USP34: variants seen among roughly 807,000 people sequenced by gnomAD.
USP34 encodes ubiquitin specific peptidase 34, also known as ubiquitin carboxyl-terminal hydrolase 34.
Under a neutral mutation model 460.3 loss-of-function variants are expected in USP34, and 70 were observed. The ratio of observed to expected loss-of-function variants is 0.15; its 90% CI spans 0.13 to 0.19. The LOEUF is 0.19. Among genes scored for constraint, USP34 ranks in the 10% least tolerant of loss-of-function variants. The probability of loss-of-function intolerance (pLI) is 1.00; values close to 1 mark genes in which losing one functional copy is unlikely to be tolerated. For missense variants in USP34, 3,985 were observed against 4,236.2 expected (o/e 0.94, Z 1.65); for synonymous variants, 1,647 against 1,405.3 (o/e 1.17, Z -3.85).
intron 78 of USP34, 139 bp from the exon 79 acceptor site, chr2:61,189,208 AATG>A: frequency 1.1e-6 from 1 of 897,062 alleles, no homozygotes; most frequent in Non-Finnish European, 1.6e-6. Context: ...GGATTCTTAG[AATG>A]ATAAAACCAG....
At chr2:61,240,365 G>A (rs548089085) in intron 53 of USP34, among the ~76,000 whole-genome samples, 14 of 151,412 alleles carry the variant, frequency 9.2e-5, no homozygotes, top group East Asian at 2.0e-4. Context: ...TCTCGGCTCC[G>A]CCTCCCAGGT....
At chr2:61,303,764 T>C (rs1690312392) in intron 27 of USP34, among the ~76,000 whole-genome samples, 1 of 151,632 alleles carries the variant, frequency 6.6e-6, no homozygotes, top group Admixed American at 6.6e-5. Flanking sequence ...GCCTGGCTCA[T>C]TTTTTGTATT....
In USP34 at chr2:61,227,140, T is replaced by G; in HGVS notation, c.7522A>C (p.Lys2508Gln). Residue 2508 changes from lysine (K) to glutamine (Q), a missense_variant, in exon 62 of 80, where the codon AAA becomes CAA. Physicochemically the swap from Lys to Gln is moderately conservative, Grantham distance 53. Coordinates refer to ENST00000398571, the MANE Select transcript of USP34 (RefSeq NM_014709.4). ...EEDILSLAEE[K>Q]YRPAALEKMI... ...TTTTCAAGGGCAGCTGGCCTGTATT[T>G]TTCTTCTGCCAGAGAGAGGATATCT... 1 of 1,614,076 alleles carries G rather than the reference T, an allele frequency of 6.2e-7. No individual in the cohort carries two copies. The highest frequency in any genetic ancestry group is 8.5e-7 in the Non-Finnish European group (1 of 1,179,992).
chr2:61,373,566 G>GA (rs1000311201), intron 8 of USP34, among the ~76,000 whole-genome samples: 1 of 151,304 alleles, frequency 6.6e-6, no homozygotes, highest in East Asian at 1.9e-4. Context: ...CATTTAAAAC[G>GA]AAAAAAAGGA....
In USP34 at chr2:61,311,610, C is replaced by G. The variant is rs1690596894; in HGVS notation, c.3747G>C (p.Gln1249His). ...GAGCTTGTTGATTTATTTGTTCTTT[C>G]TGTAAATTTTCATACCAATGAGTTA... ...AEVTHWYENL[Q>H]KEQINQQAQL... The change falls in exon 27 of 80, where the codon CAG becomes CAC. Residue 1249 changes from glutamine to histidine, a missense_variant. Coordinates refer to ENST00000398571, the MANE Select transcript of USP34 (RefSeq NM_014709.4). 2 of 1,613,662 alleles carry G rather than the reference C, an allele frequency of 1.2e-6. No individual in the cohort carries two copies. The highest frequency in any genetic ancestry group is 1.7e-6 in the Non-Finnish European group (2 of 1,179,860).
chr2:61,407,235 T>C (rs1318347893), intron 2 of USP34, among the ~76,000 whole-genome samples: 1 of 152,022 alleles, frequency 6.6e-6, no homozygotes, highest in Non-Finnish European at 1.5e-5. Context: ...AACATAAAAA[T>C]TAAAGAATCA....
chr2:61,344,084 T>C (rs1346332496), intron 15 of USP34, 55 bp from the exon 16 acceptor site: 3 of 1,546,326 alleles, frequency 1.9e-6, no homozygotes, highest in Non-Finnish European at 2.7e-6. Context: ...ATCTAATTTG[T>C]GAACCACAAA....
At chr2:61,196,119 C>T (rs562079907) in intron 75 of USP34, among the ~76,000 whole-genome samples, 5 of 115,942 alleles carry the variant, frequency 4.3e-5, no homozygotes, top group Non-Finnish European at 8.2e-5. Context: ...CTCGCTTTGT[C>T]GCACAGGCTG....
At chr2:61,247,437 C>G (rs1688447605) in intron 49 of USP34, among the ~76,000 whole-genome samples, 1 of 152,194 alleles carries the variant, frequency 6.6e-6, no homozygotes, top group South Asian at 2.1e-4. Context: ...TTCCTTTATC[C>G]TGGCATAAAT....
At chr2:61,197,743 G>A (rs1463812183) in intron 75 of USP34, among the ~76,000 whole-genome samples, 1 of 151,836 alleles carries the variant, frequency 6.6e-6, no homozygotes, top group Non-Finnish European at 1.5e-5. Flanking sequence ...GACTACATGT[G>A]CATGTCACCA....
chr2:61,202,550 A>G (rs1687005167), intron 75 of USP34, among the ~76,000 whole-genome samples: 2 of 152,216 alleles, frequency 1.3e-5, no homozygotes, highest in East Asian at 1.9e-4. Context: ...TGCAGAGACA[A>G]TATTACTAAA....
chr2:61,464,202 C>A (rs1453477449), intron 1 of USP34, among the ~76,000 whole-genome samples: 2 of 152,128 alleles, frequency 1.3e-5, no homozygotes, highest in Non-Finnish European at 2.9e-5. Context: ...GCCTCTAATT[C>A]CAGCTACTCA....
rs1190926567 is a variant in USP34, at chr2:61,423,960, AAAAC to A, written c.44-3131_44-3128del. Among the ~76,000 whole-genome samples the A allele has an allele frequency of 4.5e-4, 69 of 152,294 alleles. 1 individual carries two copies. Among genetic ancestry groups the A allele is most frequent in the African/African-American group, 1.5e-3 (64 of 41,566 alleles). Reference sequence around the variant, plus strand: ...AACAGGGCAAGATCCTGTCTCTTAAAAAACAAACAACAAAATAAATAAAATAAAT... The same window carrying A: ...AACAGGGCAAGATCCTGTCTCTTAAAAAACAACAAAATAAATAAAATAAAT... On this transcript the variant is annotated intron_variant, in intron 1 of 79. Transcript: ENST00000398571.
chr2:61,213,567 C>CAT (rs753985731), intron 68 of USP34, among the ~76,000 whole-genome samples: 44 of 152,188 alleles, frequency 2.9e-4, no homozygotes, highest in Middle Eastern at 6.8e-3. Context: ...ATTTAGACTG[C>CAT]ATATATATGT....
At chr2:61,405,642 G>A (rs1693849401) in intron 3 of USP34, 66 bp downstream of exon 3, 2 of 1,374,450 alleles carry the variant, frequency 1.5e-6, no homozygotes, top group Admixed American at 5.1e-5. Context: ...ATATTTATCA[G>A]TAAGAAACAG....
chr2:61,398,210 T>C (rs1310175376), intron 3 of USP34, among the ~76,000 whole-genome samples: 1 of 151,970 alleles, frequency 6.6e-6, no homozygotes, highest in Non-Finnish European at 1.5e-5. Context: ...ATTAAAAATT[T>C]TTAAAAATTA....
chr2:61,243,554 CTTCA>C (rs1356990250), intron 51 of USP34, among the ~76,000 whole-genome samples: 3 of 111,146 alleles, frequency 2.7e-5, no homozygotes, highest in East Asian at 5.4e-4. Flanking sequence ...CCTCTTCTTC[CTTCA>C]TTTTTTTTTT....
chr2:61,265,077 T>G (rs1035515689), intron 43 of USP34, among the ~76,000 whole-genome samples: 2 of 152,168 alleles, frequency 1.3e-5, no homozygotes, highest in African/African-American at 4.8e-5. Flanking sequence ...AAATATGTAT[T>G]TATTTATTTT....
intron 58 of USP34, among the ~76,000 whole-genome samples, chr2:61,230,206 A>G (rs1687851397): frequency 6.6e-6 from 1 of 152,224 alleles, no homozygotes; most frequent in Admixed American, 6.5e-5. Flanking sequence ...ATCACTGGCA[A>G]GAATGTCAAA....
Sources: allele counts gnomAD v4.1 joint callset (sites outside exome capture counted in the v4.1 genomes callset), GRCh38; gene constraint gnomAD v4.1.1; transcripts MANE v1.5; gene names NCBI Gene and HGNC (gene_info 2026-07-23, HGNC 2026-07-21).